The following FOXP1 variants were observed in gnomAD, a reference collection of about 807,000 sequenced individuals.
FOXP1 encodes the protein forkhead box P1, also known as forkhead box protein P1.
A neutral mutation model predicts 98.2 loss-of-function variants in FOXP1; 15 were observed. The ratio of observed to expected loss-of-function variants is 0.15; its 90% CI spans 0.10 to 0.24. FOXP1 has a LOEUF of 0.24. Ranked by LOEUF, FOXP1 falls within the 10% of genes least tolerant of loss-of-function variation. The pLI is 1.00. For synonymous variants in FOXP1, 371 were observed against 314.5 expected (o/e 1.18, Z -1.90); for missense variants, 633 against 848.5 (o/e 0.75, Z 3.15).
chr3:71,429,673 A>G (rs1015705829), intron 3 of FOXP1, among the ~76,000 whole-genome samples: 1 of 152,230 alleles, frequency 6.6e-6, no homozygotes, highest in African/African-American at 2.4e-5. Flanking sequence ...ATGTTCCATA[A>G]TGATTCGTCT....
intron 6 of FOXP1, among the ~76,000 whole-genome samples, chr3:71,132,523 T>G (rs1334798165): frequency 6.6e-6 from 1 of 152,192 alleles, no homozygotes; most frequent in Non-Finnish European, 1.5e-5. Flanking sequence ...TAAAGCTGTT[T>G]GTTAACAAAC....
chr3:71,434,631 G>GGTGTGT (rs55643841), intron 3 of FOXP1, among the ~76,000 whole-genome samples: 14,372 of 142,202 alleles, frequency 0.1, 825 homozygotes, highest in African/African-American at 0.12. Context: ...GAGGGGATGG[G>GGTGTGT]GTGTGTGTGT....
intron 13 of FOXP1, among the ~76,000 whole-genome samples, chr3:70,989,514 G>GTA (rs1559654884): frequency 2.0e-5 from 3 of 152,104 alleles, no homozygotes. Flanking sequence ...TAATGCTAAA[G>GTA]GAATTTAGTT....
At chr3:71,541,895 A>T in intron 2 of FOXP1, 1 of 476,258 alleles carries the variant, frequency 2.1e-6, no homozygotes, top group Non-Finnish European at 4.3e-6. Context: ...AGTTTTTAGG[A>T]CTCAAAAGTC....
chr3:71,079,440 T>C (rs2054173910), intron 7 of FOXP1, among the ~76,000 whole-genome samples: 1 of 152,166 alleles, frequency 6.6e-6, no homozygotes, highest in Non-Finnish European at 1.5e-5. Context: ...TGAGACTTTG[T>C]TCTAAAAAAA....
At chr3:71,104,209 T>C (rs2057235966) in intron 7 of FOXP1, among the ~76,000 whole-genome samples, 1 of 152,142 alleles carries the variant, frequency 6.6e-6, no homozygotes, top group East Asian at 1.9e-4. Context: ...ACTAAAATCA[T>C]GATTATTTGC....
At chr3:71,271,190 A>T (rs921068958) in intron 5 of FOXP1, among the ~76,000 whole-genome samples, 1 of 152,228 alleles carries the variant, frequency 6.6e-6, no homozygotes, top group African/African-American at 2.4e-5. Context: ...AGATAATGCC[A>T]CTGCACTCCA....
At chr3:71,434,951 C>T (rs1455550815) in intron 3 of FOXP1, among the ~76,000 whole-genome samples, 1 of 151,932 alleles carries the variant, frequency 6.6e-6, no homozygotes, top group African/African-American at 2.4e-5. Context: ...TCACCTCCGT[C>T]TCTCTCGCCT....
chr3:71,487,390 T>G (rs988112594), intron 3 of FOXP1, among the ~76,000 whole-genome samples: 6 of 152,212 alleles, frequency 3.9e-5, no homozygotes, highest in Non-Finnish European at 8.8e-5. Flanking sequence ...AAATATGGAC[T>G]GTTTAAAAAC....
chr3:71,040,661 T>C (rs1286956425), intron 11 of FOXP1, among the ~76,000 whole-genome samples: 2 of 152,164 alleles, frequency 1.3e-5, no homozygotes, highest in African/African-American at 2.4e-5. Flanking sequence ...TAAAATGTCT[T>C]AACTTCTAAA....
At chr3:71,308,961 A>G (rs1324071902) in intron 4 of FOXP1, among the ~76,000 whole-genome samples, 4 of 152,162 alleles carry the variant, frequency 2.6e-5, no homozygotes, top group African/African-American at 9.7e-5. Flanking sequence ...ATAAATTTCA[A>G]TGGTGGTGTA....
At chr3:71,099,027 G>C (rs1175339599) in intron 7 of FOXP1, among the ~76,000 whole-genome samples, 1 of 152,096 alleles carries the variant, frequency 6.6e-6, no homozygotes, top group Non-Finnish European at 1.5e-5. Flanking sequence ...AACACCATGG[G>C]ATAAATGCTA....
chr3:71,413,863 G>C (rs1431235539), intron 3 of FOXP1, among the ~76,000 whole-genome samples: 1 of 151,876 alleles, frequency 6.6e-6, no homozygotes, highest in Non-Finnish European at 1.5e-5. Context: ...TTACCTGTAG[G>C]CACTTTTTTC....
At chr3:71,239,501 G>A (rs757512419) in intron 5 of FOXP1, among the ~76,000 whole-genome samples, 2 of 152,072 alleles carry the variant, frequency 1.3e-5, no homozygotes, top group Non-Finnish European at 2.9e-5. Flanking sequence ...CCGAGATCAC[G>A]CCACTGCATT....
intron 7 of FOXP1, among the ~76,000 whole-genome samples, chr3:71,068,787 G>A (rs2052866924): frequency 6.6e-6 from 1 of 152,194 alleles, no homozygotes; most frequent in Non-Finnish European, 1.5e-5. Flanking sequence ...AATACAAAAT[G>A]TAAGCCCAGT....
chr3:71,125,450 T>C (rs2059099227), intron 6 of FOXP1, among the ~76,000 whole-genome samples: 1 of 152,196 alleles, frequency 6.6e-6, no homozygotes, highest in Non-Finnish European at 1.5e-5. Context: ...TAGAAAAATA[T>C]ATTCGGTTAA....
chr3:71,057,416 G>C (rs1034150487), intron 7 of FOXP1, among the ~76,000 whole-genome samples: 5 of 136,890 alleles, frequency 3.7e-5, no homozygotes. Flanking sequence ...GCCTTAACTG[G>C]GAGTTCAAGC....
Position 70,983,427 on chromosome 3 carries a change from TAA to T in FOXP1, c.1146+4565_1146+4566del, listed in dbSNP as rs1447194079. 4.6e-4 allele frequency among the ~76,000 whole-genome samples: 70 copies of T among 152,290 alleles called. 1 individual carries two copies. The highest frequency in any genetic ancestry group is 3.5e-3 in the Admixed American group (54 of 15,298). On this transcript the variant is annotated intron_variant, in intron 14 of 20. Coordinates refer to ENST00000649528, the MANE Select transcript of FOXP1 (RefSeq NM_001349338.3). ...GCAGCCCAAATGATCCTTGAAGAGT[TAA>T]AAGACCCTTTCTTTTCGGGGGGGCA... is the stretch of plus-strand genomic sequence containing the variant.
At chr3:71,449,212 G>C (rs530079296) in intron 3 of FOXP1, among the ~76,000 whole-genome samples, 8 of 152,272 alleles carry the variant, frequency 5.3e-5, no homozygotes, top group African/African-American at 1.9e-4. Context: ...TGCAAAAATA[G>C]AGCAGGGCCC....
Sources: allele counts gnomAD v4.1 joint callset (sites outside exome capture counted in the v4.1 genomes callset), GRCh38; gene constraint gnomAD v4.1.1; transcripts MANE v1.5; gene names NCBI Gene and HGNC (gene_info 2026-07-23, HGNC 2026-07-21).